The following UBAP2 variants were observed in gnomAD, a reference collection of about 807,000 sequenced individuals.
The protein encoded by UBAP2 is ubiquitin associated protein 2.
Under a neutral mutation model 139.6 loss-of-function variants are expected in UBAP2, and 75 were observed. The observed-to-expected ratio is 0.54, with a 90% confidence interval of 0.45 to 0.65. The LOEUF (loss-of-function observed/expected upper bound fraction) is 0.65. Among genes scored for constraint, UBAP2 ranks in the 30% least tolerant of loss-of-function variants. The pLI is 0.00. For missense variants in UBAP2, 1,368 were observed against 1,369.6 expected (o/e 1.00, Z 0.02); for synonymous variants, 526 against 526.2 (o/e 1.00, Z 0.01).
intron 10 of UBAP2, among the ~76,000 whole-genome samples, chr9:33,959,819 T>G (rs1325388819): frequency 6.6e-6 from 1 of 152,120 alleles, no homozygotes; most frequent in African/African-American, 2.4e-5. Context: ...TCCCCTTTAA[T>G]GAAAATATTC....
intron 2 of UBAP2, among the ~76,000 whole-genome samples, chr9:34,011,981 C>G (rs939378349): frequency 2.7e-5 from 2 of 74,892 alleles, no homozygotes; most frequent in African/African-American, 9.2e-5. Flanking sequence ...TTTATGCCCA[C>G]CACCAAAGAT....
rs193283673 is a variant in UBAP2, at chr9:34,031,134, C to T, written c.-41-13945G>A. Among the ~76,000 whole-genome samples the T allele has an allele frequency of 1.2e-3, 189 of 151,306 alleles. 2 individuals are homozygous for T. The highest frequency in any genetic ancestry group is 0.011 in the Admixed American group (161 of 15,092). ...CTCTACTAAACATACAAAACTTAGCCGGGCATGGTGGCACGGACCTGTAAT... is the reference window on the plus strand; with the variant it reads ...CTCTACTAAACATACAAAACTTAGCTGGGCATGGTGGCACGGACCTGTAAT... On this transcript the variant is annotated intron_variant, in intron 1 of 28. Coordinates refer to ENST00000379238, the MANE Select transcript of UBAP2 (RefSeq NM_001370062.2).
chr9:34,001,880 TC>T (rs1822733990), intron 2 of UBAP2, among the ~76,000 whole-genome samples: 1 of 151,014 alleles, frequency 6.6e-6, no homozygotes, highest in Admixed American at 6.6e-5. Flanking sequence ...GCTTTACAAG[TC>T]AAACACAAGA....
chr9:34,036,982 A>ATTT (rs141751803), intron 1 of UBAP2, among the ~76,000 whole-genome samples: 8 of 57,434 alleles, frequency 1.4e-4, no homozygotes, highest in South Asian at 6.5e-4. Context: ...ACACCCAGCT[A>ATTT]TTTTTTTTTT....
At chr9:33,984,980 T>C (rs1329698962) in intron 6 of UBAP2, among the ~76,000 whole-genome samples, 1 of 152,124 alleles carries the variant, frequency 6.6e-6, no homozygotes, top group Non-Finnish European at 1.5e-5. Context: ...CTGGTGAAGA[T>C]ACAGGGAAAA....
chr9:34,043,457 A>G (rs1212965159), intron 1 of UBAP2, among the ~76,000 whole-genome samples: 1 of 152,156 alleles, frequency 6.6e-6, no homozygotes, highest in Non-Finnish European at 1.5e-5. Flanking sequence ...ATGAGCCACC[A>G]CACCCAAACT....
Position 33,943,443 on chromosome 9 carries a change from G to T in UBAP2, c.1692C>A (p.Ile564=). ...ACCTTAAAGACTTCGAATACAAGCTGATGGGAATCTGATTACTATTTTCAC... is the reference window on the plus strand; with the variant it reads ...ACCTTAAAGACTTCGAATACAAGCTTATGGGAATCTGATTACTATTTTCAC... ...PSSENSNQIP[I]SLYSKSLSEP... is the part of the protein sequence containing the mutation. The change falls in exon 15 of 29, where the codon ATC becomes ATA. Residue 564 remains isoleucine (I), a synonymous_variant. Transcript: ENST00000379238. 5.0e-6 allele frequency: 8 copies of T among 1,614,190 alleles called. No homozygotes were observed. The highest frequency in any genetic ancestry group is 6.8e-6 in the Non-Finnish European group (8 of 1,180,030).
intron 4 of UBAP2, among the ~76,000 whole-genome samples, chr9:33,990,636 A>T (rs1363976657): frequency 4.5e-5 from 1 of 22,416 alleles, no homozygotes; most frequent in African/African-American, 1.3e-4. Context: ...AGTACCCCCC[A>T]ATTTTTTTTT....
chr9:34,049,027 C>T (rs1827886135), upstream of UBAP2: 1 of 152,358 alleles, frequency 6.6e-6, no homozygotes, highest in South Asian at 2.1e-4. Context: ...CTCTTCCAGC[C>T]ACCACCTCCA....
chr9:33,997,581 T>C (rs897543332), intron 3 of UBAP2: 1 of 152,192 alleles, frequency 6.6e-6, no homozygotes, highest in African/African-American at 2.4e-5. Context: ...CTTCAGTCTT[T>C]GGATAGCTAC....
At chr9:33,928,262 A>C in intron 19 of UBAP2, 1 of 382,972 alleles carries the variant, frequency 2.6e-6, no homozygotes, top group Non-Finnish European at 4.7e-6. Context: ...TCTCTGTAAA[A>C]ATCCTTCAAG....
At chr9:34,018,577 T>C (rs1387208968) in intron 1 of UBAP2, among the ~76,000 whole-genome samples, 9 of 152,124 alleles carry the variant, frequency 5.9e-5, no homozygotes, top group Non-Finnish European at 7.4e-5. Flanking sequence ...AAGAGTGCCA[T>C]TATTGGCCGG....
intron 6 of UBAP2, among the ~76,000 whole-genome samples, chr9:33,983,328 T>C (rs1820930989): frequency 1.3e-5 from 2 of 152,142 alleles, no homozygotes; most frequent in South Asian, 4.1e-4. Flanking sequence ...GATTCAACAG[T>C]GTAGTCAGTA....
chr9:33,923,373 C>CCT lies in UBAP2; in HGVS notation c.2896+4_2896+5dup. 1 of 1,614,134 alleles carries CCT rather than the reference C, an allele frequency of 6.2e-7. No individual in the cohort carries two copies. Among genetic ancestry groups the CCT allele is most frequent in the Non-Finnish European group, 8.5e-7 (1 of 1,179,990 alleles). On this transcript the variant is annotated splice_donor_region_variant and intron_variant, in intron 25 of 28. Transcript: ENST00000379238. ...CATGTGTCTCTGTCTGGGAAGTACCCCTCACCTGTACTGTAGCCGTGCTGG... is the reference window on the plus strand; with the variant it reads ...CATGTGTCTCTGTCTGGGAAGTACCCCTCTCACCTGTACTGTAGCCGTGCTGG...
intron 2 of UBAP2, among the ~76,000 whole-genome samples, chr9:34,014,936 T>C (rs1050092697): frequency 6.6e-6 from 1 of 152,180 alleles, no homozygotes; most frequent in Non-Finnish European, 1.5e-5. Context: ...GATCAAGCAC[T>C]GAGTAGCAGA....
At chr9:33,991,561 A>G (rs998944408) in intron 4 of UBAP2, among the ~76,000 whole-genome samples, 2 of 152,210 alleles carry the variant, frequency 1.3e-5, no homozygotes, top group Non-Finnish European at 2.9e-5. Context: ...ATAGGAGCCT[A>G]TGTACTTACT....
intron 6 of UBAP2, among the ~76,000 whole-genome samples, chr9:33,983,990 C>T (rs985983649): frequency 5.3e-5 from 8 of 152,086 alleles, no homozygotes; most frequent in African/African-American, 1.4e-4. Flanking sequence ...CGGCTCACTG[C>T]AGCCTCCACT....
At chr9:34,013,775 G>T (rs958319321) in intron 2 of UBAP2, among the ~76,000 whole-genome samples, 2 of 151,206 alleles carry the variant, frequency 1.3e-5, no homozygotes, top group Non-Finnish European at 2.9e-5. Flanking sequence ...TACTCCAGAG[G>T]CTGAGGCAGG....
chr9:33,967,520 T>C (rs768765434), intron 8 of UBAP2, among the ~76,000 whole-genome samples: 10 of 152,210 alleles, frequency 6.6e-5, no homozygotes, highest in Non-Finnish European at 1.3e-4. Flanking sequence ...TGTTTTTAAT[T>C]AGAAAAATTA....
Sources: allele counts gnomAD v4.1 joint callset (sites outside exome capture counted in the v4.1 genomes callset), GRCh38; gene constraint gnomAD v4.1.1; transcripts MANE v1.5; gene names NCBI Gene and HGNC (gene_info 2026-07-23, HGNC 2026-07-21).